Variants in CTC1 observed in about 807,000 individuals in gnomAD.
The protein encoded by CTC1 is CST telomere replication complex component 1, also known as CST complex subunit CTC1.
A neutral mutation model predicts 136.3 loss-of-function variants in CTC1; 91 were observed. The observed-to-expected ratio is 0.67, with a 90% CI of 0.56 to 0.79. The LOEUF (loss-of-function observed/expected upper bound fraction) is 0.79, where lower values mean the gene tolerates loss of function less well. Ranked by LOEUF, CTC1 falls within the 30% of genes least tolerant of loss-of-function variation. The pLI, the probability that CTC1 is intolerant of heterozygous loss-of-function variation, is 0.00. For synonymous variants in CTC1, 606 were observed against 613.8 expected (o/e 0.99, Z 0.19); for missense variants, 1,432 against 1,498.1 (o/e 0.96, Z 0.73).
intron 10 of CTC1, chr17:8,233,329 C>A (rs530563430): frequency 3.6e-6 from 1 of 277,146 alleles, no homozygotes; most frequent in East Asian, 9.0e-5. Flanking sequence ...CTGGGAGGCA[C>A]GCAAAGAATT....
At position 8,225,849 on chromosome 17, in the gene CTC1, G is replaced by A. The variant is rs1310874412; in HGVS notation, c.*2331C>T. ...TTATATACTATATATATAACATTAT[G>A]AGCCACCAAACCCAAAGAACTATAA... On this transcript the variant is annotated 3_prime_UTR_variant, in exon 23 of 23. Transcript: ENST00000651323. 1.3e-5 allele frequency: 2 copies of A among 151,430 alleles called. No individual in the cohort carries two copies. The highest frequency in any genetic ancestry group is 2.4e-5 in the African/African-American group (1 of 41,268). The allele number at this position is 151,430 out of a possible 1,614,324, so 9.4% of individuals were successfully genotyped here.
chr17:8,241,493 T>A (rs539549276), intron 2 of CTC1, among the ~76,000 whole-genome samples: 2 of 147,130 alleles, frequency 1.4e-5, no homozygotes, highest in East Asian at 4.0e-4. Flanking sequence ...TGGCGCATAG[T>A]CCCAGCTACT....
chr17:8,231,234 G>A (rs551847077), intron 15 of CTC1, 42 bp downstream of exon 15: 2 of 1,456,086 alleles, frequency 1.4e-6, no homozygotes, highest in Admixed American at 2.3e-5. Flanking sequence ...TGGGAGAAGA[G>A]AGAGTGGCCA....
At chr17:8,247,912 G>T in intron 1 of CTC1, 92 bp downstream of exon 1, 1 of 1,376,374 alleles carries the variant, frequency 7.3e-7, no homozygotes, top group Non-Finnish European at 1.0e-6. Flanking sequence ...CGGCCAGCGA[G>T]CCCAGAGAGA....
In CTC1 at chr17:8,234,569, G is replaced by T. The variant is rs749845817; in HGVS notation, c.1704C>A (p.Asp568Glu). 7 of 1,599,774 alleles carry T rather than the reference G, an allele frequency of 4.4e-6. No homozygotes were observed. The highest frequency in any genetic ancestry group is 6.0e-6 in the Non-Finnish European group (7 of 1,172,958). Residue 568 changes from aspartate to glutamate, a missense_variant, in exon 10 of 23, where the codon GAC (aspartate) becomes GAA (glutamate). Physicochemically the swap from Asp to Glu is conservative, Grantham distance 45 (BLOSUM62 2). Coordinates refer to ENST00000651323, the MANE Select transcript of CTC1 (RefSeq NM_025099.6). ...EGQRKAWASF[D>E]PKALLPLPEA... ...CCGGGAGGGGCAGAAGGGCCTTAGG[G>T]TCAAAGGAGGCCCAGGCCTTACGCT... is the stretch of plus-strand genomic sequence containing the variant.
chr17:8,243,986 T>C (rs530311079), intron 1 of CTC1, among the ~76,000 whole-genome samples: 5 of 152,184 alleles, frequency 3.3e-5, no homozygotes, highest in Admixed American at 2.6e-4. Context: ...GAGGATCACC[T>C]GAGCCTGGGG....
At position 8,234,286 on chromosome 17, in the gene CTC1, CTAG is replaced by C. The variant is rs529633547; in HGVS notation, c.1818+166_1818+168del. 2.9e-3 allele frequency among the ~76,000 whole-genome samples: 442 copies of C among 152,332 alleles called. 1 individual carries two copies. Among genetic ancestry groups the C allele is most frequent in the Non-Finnish European group, 3.5e-3 (237 of 68,026 alleles). On this transcript the variant is annotated intron_variant, in intron 10 of 22. Coordinates refer to ENST00000651323, the MANE Select transcript of CTC1 (RefSeq NM_025099.6). ...CACTGTGCCTGGCATATCCCCATTT[CTAG>C]TTGCTGCAGAGAGAATGAATTGGAG...
At chr17:8,246,283 A>G (rs936602322) in intron 1 of CTC1, among the ~76,000 whole-genome samples, 6 of 152,002 alleles carry the variant, frequency 3.9e-5, no homozygotes, top group African/African-American at 1.2e-4. Flanking sequence ...TAAGAACACA[A>G]TATGCTTTCC....
At position 8,238,162 on chromosome 17, in the gene CTC1, A is replaced by G. The variant is rs759374741; in HGVS notation, c.516T>C (p.Asn172=). 1.2e-6 allele frequency: 2 copies of G among 1,613,984 alleles called. No individual in the cohort carries two copies. The highest frequency in any genetic ancestry group is 1.3e-5 in the African/African-American group (1 of 74,930). The change falls in exon 4 of 23, where the codon AAT becomes AAC. Residue 172 remains asparagine (N), a synonymous_variant. Transcript: ENST00000651323. The part of the protein sequence containing the change: ...RWSYLPPARW[N]SSGEGHLELW... ...GCTCCAAGTGCCCTTCCCCTGAGGA[A>G]TTCCACCTGGCAGGAGGGAGGTAAC... is the stretch of plus-strand genomic sequence containing the variant.
chr17:8,225,491 TCTTGC>T lies in CTC1; in HGVS notation c.*2684_*2688del, dbSNP rs1371234721. ...CTGCCAAGAGCTCACAGATCCTATT[TCTTGC>T]CTTATCTCTGGCATTTATTTCTTCC... On this transcript the variant is annotated 3_prime_UTR_variant, in exon 23 of 23. Coordinates refer to ENST00000651323, the MANE Select transcript of CTC1 (RefSeq NM_025099.6). 2.6e-5 allele frequency: 4 copies of T among 152,286 alleles called. No individual in the cohort carries two copies. The highest frequency in any genetic ancestry group is 5.9e-5 in the Non-Finnish European group (4 of 68,078). The allele number at this position is 152,286 out of a possible 1,614,324, so 9.4% of individuals were successfully genotyped here. A position where few individuals can be genotyped will look rare whatever the true frequency, so the allele number is the denominator to read the frequency against.
chr17:8,235,289 G>A lies in CTC1; in HGVS notation c.1207-4C>T, dbSNP rs369904656. 5.2e-4 allele frequency: 833 copies of A among 1,606,484 alleles called. 1 individual carries two copies. Among genetic ancestry groups the A allele is most frequent in the Middle Eastern group, 1.2e-3 (7 of 6,044 alleles). ...GGAGCAGGTGAACATCCTGGAGCTG[G>A]GGGAAAGCAGAGAAAATGAAAAAGC... On this transcript the variant is annotated splice_polypyrimidine_tract_variant and splice_region_variant and intron_variant, in intron 7 of 22. Transcript: ENST00000651323.
At chr17:8,246,604 T>C (rs1988728901) in intron 1 of CTC1, among the ~76,000 whole-genome samples, 1 of 152,130 alleles carries the variant, frequency 6.6e-6, no homozygotes, top group Admixed American at 6.6e-5. Flanking sequence ...GTCCCAGTCC[T>C]GGCTGGGTGC....
Position 8,226,543 on chromosome 17 carries a change from A to C in CTC1, c.*1637T>G. ...TAGAGTTCCTAGATGAGAGGTTTGGAGGGTGCCGACTGGATCATCCCATCC... is the reference window on the plus strand; with the variant it reads ...TAGAGTTCCTAGATGAGAGGTTTGGCGGGTGCCGACTGGATCATCCCATCC... On this transcript the variant is annotated 3_prime_UTR_variant, in exon 23 of 23. Transcript: ENST00000651323. 1 of 152,186 alleles carries C rather than the reference A, an allele frequency of 6.6e-6. No homozygotes were observed. The highest frequency in any genetic ancestry group is 1.9e-4 in the East Asian group (1 of 5,194). 9.4% of individuals were successfully genotyped at this position (152,186 alleles called of 1,614,324 possible).
At chr17:8,237,267 C>T (rs1987809331) in intron 5 of CTC1, 108 bp downstream of exon 5, 7 of 1,283,290 alleles carry the variant, frequency 5.5e-6, no homozygotes, top group Admixed American at 5.3e-5. Context: ...AACAGCTCTC[C>T]CCAGCTGTCC....
intron 8 of CTC1, 30 bp from the exon 9 acceptor site, chr17:8,234,956 C>T (rs1987577223): frequency 2.5e-6 from 4 of 1,594,074 alleles, no homozygotes; most frequent in African/African-American, 1.3e-5. Context: ...ACAGTCACTT[C>T]CCCTGAAGAG....
At position 8,234,668 on chromosome 17, in the gene CTC1, G is replaced by A. The variant is rs1435540758; in HGVS notation, c.1618-13C>T. On this transcript the variant is annotated splice_polypyrimidine_tract_variant and intron_variant, in intron 9 of 22. Transcript: ENST00000651323. The stretch of plus-strand genomic sequence containing the variant: ...GCAGCCGAGTGTACTGTCAAGGAGG[G>A]AAGAGAAATCGGGTGTGTGTCCCAT... The A allele has an allele frequency of 1.2e-6, 2 of 1,600,376 alleles. No individual in the cohort carries two copies.
At position 8,231,956 on chromosome 17, in the gene CTC1, C is replaced by T; in HGVS notation, c.2332G>A (p.Gly778Ser). The change falls in exon 13 of 23, where the codon GGT becomes AGT. Residue 778 changes from glycine (G) to serine (S), a missense_variant. Transcript: ENST00000651323. ...GGCTCGGGCAGCCCCCATCCAGTACCCTCCTTCCTCTGGGTGCCCCCAAGC... is the reference window on the plus strand; with the variant it reads ...GGCTCGGGCAGCCCCCATCCAGTACTCTCCTTCCTCTGGGTGCCCCCAAGC... ...SWLGGTQRKEGTGWGLPEPQG... is the reference protein window; with the variant it reads ...SWLGGTQRKESTGWGLPEPQG... 3 of 1,612,746 alleles carry T rather than the reference C, an allele frequency of 1.9e-6. No homozygotes were observed. In the South Asian group the frequency reaches 3.3e-5, roughly 18 times the overall value.
chr17:8,232,199 C>T lies in CTC1; in HGVS notation c.2089G>A (p.Ala697Thr), dbSNP rs778524852. The stretch of plus-strand genomic sequence containing the variant: ...GGTCTGGGCACAGGCAGGATCAGGG[C>T]ATCAGCCAGAAAGAACTGGACATAG... ...RVYVQFFLAD[A>T]LILPVPRPCL... The change falls in exon 13 of 23, where the codon GCC (alanine) becomes ACC (threonine). Residue 697 changes from alanine (A) to threonine (T), a missense_variant. Physicochemically the swap from Ala to Thr is moderately conservative, Grantham distance 58. Transcript: ENST00000651323. The T allele has an allele frequency of 8.5e-6, 13 of 1,527,604 alleles. No homozygotes were observed. Among genetic ancestry groups the T allele is most frequent in the Middle Eastern group, 1.8e-4 (1 of 5,626 alleles). 94.6% of individuals were successfully genotyped at this position (1,527,604 alleles called of 1,614,324 possible). A position where few individuals can be genotyped will look rare whatever the true frequency, so the allele number is the denominator to read the frequency against.
chr17:8,242,293 A>G (rs980416002), intron 2 of CTC1, among the ~76,000 whole-genome samples: 7 of 151,922 alleles, frequency 4.6e-5, no homozygotes, highest in Non-Finnish European at 1.0e-4. Context: ...TTAGCCTCCC[A>G]AAGTGTTGGG....
Sources: gnomAD v4.1 joint callset for allele counts (sites outside exome capture counted in the v4.1 genomes callset) on GRCh38, gnomAD v4.1.1 for gene constraint, MANE v1.5 for transcripts, NCBI Gene and HGNC (gene_info 2026-07-23, HGNC 2026-07-21) for gene names.